The following DYTN variants were observed in gnomAD, a reference collection of about 807,000 sequenced individuals.
DYTN encodes dystrotelin.
In DYTN, 75 loss-of-function variants were observed where a neutral mutation model predicts 69.6. The observed-to-expected ratio is 1.08, with a 90% CI of 0.89 to 1.31. The LOEUF is 1.31. Ranked by LOEUF, DYTN falls within the 50% of genes most tolerant of loss-of-function variation. The pLI is 0.00. For missense variants in DYTN, 726 were observed against 688.4 expected (o/e 1.05, Z -0.61); for synonymous variants, 252 against 249.1 (o/e 1.01, Z -0.11).
chr2:206,686,677 A>G (rs1209610434), intron 9 of DYTN: 1 of 152,220 alleles, frequency 6.6e-6, no homozygotes, highest in African/African-American at 2.4e-5. Flanking sequence ...GCCCCTACAA[A>G]TGTCCCCATG....
intron 2 of DYTN, among the ~76,000 whole-genome samples, 174 bp downstream of exon 2, chr2:206,710,350 C>T (rs74345488): frequency 0.065 from 9,878 of 152,250 alleles, 439 homozygotes; most frequent in Non-Finnish European, 0.084. Flanking sequence ...TTTGCCTGCA[C>T]GTGATGTTTT....
At chr2:206,710,887 A>T (rs868221783) in intron 1 of DYTN, among the ~76,000 whole-genome samples, 3 of 151,814 alleles carry the variant, frequency 2.0e-5, no homozygotes, top group South Asian at 4.2e-4. Context: ...CAAACAGGAT[A>T]AAAAAAACTA....
chr2:206,698,085 T>C (rs1172668674), intron 7 of DYTN, among the ~76,000 whole-genome samples: 1 of 152,226 alleles, frequency 6.6e-6, no homozygotes, highest in Non-Finnish European at 1.5e-5. Flanking sequence ...GTTAAATGAT[T>C]ATAATGTACT....
chr2:206,697,565 AG>A lies in DYTN; in HGVS notation c.719+2161del, dbSNP rs370836667. Among the ~76,000 whole-genome samples, 614 of 152,336 alleles carry A rather than the reference AG, an allele frequency of 4.0e-3. 4 individuals are homozygous for A. Among genetic ancestry groups the A allele is most frequent in the African/African-American group, 0.014 (567 of 41,580 alleles). On this transcript the variant is annotated intron_variant, in intron 7 of 11. Coordinates refer to ENST00000452335, the MANE Select transcript of DYTN (RefSeq NM_001093730.1). The stretch of plus-strand genomic sequence containing the variant: ...TTAAAGTTAGGATTATAATATATCC[AG>A]GCAATTTTTAATAGAATCCTAAGTT...
chr2:206,678,367 C>A (rs1490485952), intron 9 of DYTN, among the ~76,000 whole-genome samples: 3 of 152,160 alleles, frequency 2.0e-5, no homozygotes, highest in Non-Finnish European at 2.9e-5. Flanking sequence ...CTTGGTATTC[C>A]TTTCTAAAAG....
At chr2:206,718,054 G>A (rs190554064) in intron 1 of DYTN, among the ~76,000 whole-genome samples, 1 of 152,142 alleles carries the variant, frequency 6.6e-6, no homozygotes, top group Admixed American at 6.5e-5. Context: ...TGGTGCTTTC[G>A]AGACAATAGA....
At chr2:206,685,162 A>ATTTATTTT (rs1301204246) in intron 9 of DYTN, among the ~76,000 whole-genome samples, 7 of 151,106 alleles carry the variant, frequency 4.6e-5, no homozygotes, top group African/African-American at 1.5e-4. Flanking sequence ...TTATTTATTT[A>ATTTATTTT]TTTATTTATT....
At chr2:206,700,311 A>T in intron 5 of DYTN, 95 bp from the exon 6 acceptor site, 3 of 1,338,748 alleles carry the variant, frequency 2.2e-6, no homozygotes, top group Middle Eastern at 1.9e-4. Context: ...ACGGCTGTGT[A>T]GTCACAAGTA....
At chr2:206,659,466 G>T (rs1699483993) in intron 11 of DYTN, among the ~76,000 whole-genome samples, 1 of 113,748 alleles carries the variant, frequency 8.8e-6, no homozygotes, top group Non-Finnish European at 1.7e-5. Flanking sequence ...GAGCCACCAC[G>T]CCGGGCCCAA....
intron 9 of DYTN, among the ~76,000 whole-genome samples, chr2:206,688,161 C>A (rs533075450): frequency 9.2e-5 from 14 of 152,160 alleles, no homozygotes; most frequent in Admixed American, 7.2e-4. Context: ...TCCTGCAAGC[C>A]TCTGGCCACA....
intron 9 of DYTN, among the ~76,000 whole-genome samples, chr2:206,673,131 A>G (rs13400300): frequency 0.14 from 21,783 of 152,176 alleles, 2,628 homozygotes; most frequent in African/African-American, 0.33. Flanking sequence ...CCCTCTATGC[A>G]ACCATGTGTT....
chr2:206,703,462 C>G (rs1699995189), intron 5 of DYTN, among the ~76,000 whole-genome samples: 1 of 152,060 alleles, frequency 6.6e-6, no homozygotes, highest in Non-Finnish European at 1.5e-5. Context: ...GTGGCTGCTG[C>G]AACTACCAGT....
intron 5 of DYTN, among the ~76,000 whole-genome samples, chr2:206,703,070 C>T (rs1316010526): frequency 6.6e-6 from 1 of 152,142 alleles, no homozygotes; most frequent in African/African-American, 2.4e-5. Flanking sequence ...TTCCTAAGAC[C>T]TTCTCAGGAG....
intron 1 of DYTN, among the ~76,000 whole-genome samples, chr2:206,714,424 G>A (rs1275643220): frequency 3.9e-5 from 6 of 152,076 alleles, no homozygotes; most frequent in Admixed American, 1.3e-4. Context: ...GGATGGTCTC[G>A]ATCTCCTGAC....
At chr2:206,659,662 G>C (rs1036816247) in intron 11 of DYTN, among the ~76,000 whole-genome samples, 1 of 151,866 alleles carries the variant, frequency 6.6e-6, no homozygotes, top group Non-Finnish European at 1.5e-5. Context: ...GATTAAGTTT[G>C]GTATACTTTT....
chr2:206,672,979 C>T (rs773135381), intron 9 of DYTN, among the ~76,000 whole-genome samples: 2 of 152,268 alleles, frequency 1.3e-5, no homozygotes, highest in East Asian at 1.9e-4. Context: ...AGGTTTGTTA[C>T]GTAGGTAAAT....
chr2:206,664,577 C>T (rs1294114386), intron 10 of DYTN, among the ~76,000 whole-genome samples: 2 of 152,090 alleles, frequency 1.3e-5, no homozygotes, highest in African/African-American at 4.8e-5. Flanking sequence ...GGGAGGATTG[C>T]TTGAGCCCCA....
At chr2:206,693,085 A>AG in intron 9 of DYTN, 90 bp downstream of exon 9, 1 of 1,459,158 alleles carries the variant, frequency 6.9e-7, no homozygotes. Flanking sequence ...TAGGATCTTC[A>AG]GCATTAGAAA....
chr2:206,698,487 G>A (rs1285877117), intron 7 of DYTN, among the ~76,000 whole-genome samples: 1 of 152,120 alleles, frequency 6.6e-6, no homozygotes, highest in African/African-American at 2.4e-5. Context: ...CTCCTTCCGG[G>A]AACCCTCAGT....
Sources: gnomAD v4.1 joint callset for allele counts (sites outside exome capture counted in the v4.1 genomes callset) on GRCh38, gnomAD v4.1.1 for gene constraint, MANE v1.5 for transcripts, NCBI Gene and HGNC (gene_info 2026-07-23, HGNC 2026-07-21) for gene names.